GYG2: variants seen among roughly 807,000 people sequenced by gnomAD.
The protein encoded by GYG2 is glycogenin 2.
Under a neutral mutation model 29.4 loss-of-function variants are expected in GYG2, and 29 were observed. That is an observed-to-expected ratio of 0.99 (90% CI 0.74 to 1.35). The LOEUF (loss-of-function observed/expected upper bound fraction) is 1.35, where lower values mean the gene tolerates loss of function less well. GYG2 is among the 40% of genes most tolerant of loss of function. The probability of loss-of-function intolerance (pLI) is 0.00; values close to 1 mark genes in which losing one functional copy is unlikely to be tolerated. For missense variants in GYG2, 370 were observed against 385.7 expected (o/e 0.96, Z 0.34); for synonymous variants, 167 against 172.3 (o/e 0.97, Z 0.24).
chrX:2,834,580 T>C (rs906538459), intron 2 of GYG2, among the ~76,000 whole-genome samples: 1 of 111,724 alleles, frequency 9.0e-6, no homozygotes, highest in Non-Finnish European at 1.9e-5. Context: ...GGACAGAGCT[T>C]GTACCTTGTC....
intron 9 of GYG2, 46 bp downstream of exon 9, chrX:2,875,960 CTTG>C (rs752386715): frequency 1.5e-5 from 11 of 727,511 alleles, no homozygotes; most frequent in Admixed American, 2.5e-5. Context: ...TCTCTTATTG[CTTG>C]TTATTTTCTC....
chrX:2,841,026 T>A (rs912183825), intron 2 of GYG2, among the ~76,000 whole-genome samples: 5 of 108,529 alleles, frequency 4.6e-5, no homozygotes, highest in African/African-American at 1.3e-4. Context: ...GATAGAAGGA[T>A]GGATAGATAG....
chrX:2,866,238 T>C (rs1299755915), intron 8 of GYG2, among the ~76,000 whole-genome samples: 1 of 112,158 alleles, frequency 8.9e-6, no homozygotes, highest in East Asian at 2.8e-4. Context: ...CTCACTCCTG[T>C]AATCCCTGCA....
At chrX:2,837,121 A>G (rs761087045) in intron 2 of GYG2, among the ~76,000 whole-genome samples, 63 of 111,997 alleles carry the variant, frequency 5.6e-4, no homozygotes, top group African/African-American at 2.0e-3. Flanking sequence ...AATGCTCTGC[A>G]CAGACGAGGC....
At chrX:2,842,739 T>C (rs1350698645) in intron 2 of GYG2, among the ~76,000 whole-genome samples, 1 of 64,610 alleles carries the variant, frequency 1.5e-5, no homozygotes, top group African/African-American at 4.3e-5. Context: ...TTCATACTCC[T>C]CCTGTGTTTT....
Position 2,881,151 on chromosome X carries a change from G to C in GYG2, c.1351G>C (p.Asp451His), listed in dbSNP as rs770749717. ...GAGGAAGTGGGAGGAAGGCCGTATC[G>C]ACTACATGGGGAAGGACGCGTTTGC... ...ERRKWEEGRI[D>H]YMGKDAFARI... Residue 451 changes from aspartate to histidine, a missense_variant, in exon 11 of 11, where the codon GAC becomes CAC. Physicochemically the swap from Asp to His is moderately conservative, Grantham distance 81 (BLOSUM62 -1). Transcript: ENST00000398806. 1.7e-5 allele frequency: 21 copies of C among 1,204,690 alleles called. No individual in the cohort carries two copies. In the South Asian group the frequency reaches 3.2e-4, roughly 19 times the overall value.
chrX:2,856,961 GTTTA>G (rs1208097455), intron 6 of GYG2, among the ~76,000 whole-genome samples: 3,397 of 43,224 alleles, frequency 0.079, 133 homozygotes, highest in African/African-American at 0.21. Context: ...CTAGACATCT[GTTTA>G]TCTATCTATC....
chrX:2,853,190 TTTTG>T (rs752656023), intron 3 of GYG2, among the ~76,000 whole-genome samples: 1 of 110,433 alleles, frequency 9.1e-6, no homozygotes, highest in Non-Finnish European at 1.9e-5. Context: ...AATTTAAATT[TTTTG>T]TTTGTTTGTT....
rs1471054300 is a variant in GYG2, at chrX:2,830,160, C to T, written c.-29C>T. ...GCTCCCGGGCGCAGGTCTGCAGGTCCGCGCCCACTGCCCGCGGCGCCACTG... is the reference window on the plus strand; with the variant it reads ...GCTCCCGGGCGCAGGTCTGCAGGTCTGCGCCCACTGCCCGCGGCGCCACTG... On this transcript the variant is annotated 5_prime_UTR_variant, in exon 2 of 11. Transcript: ENST00000398806. The T allele has an allele frequency of 1.7e-6, 2 of 1,205,401 alleles. No homozygotes were observed. The highest frequency in any genetic ancestry group is 2.2e-6 in the Non-Finnish European group (2 of 889,598).
intron 6 of GYG2, among the ~76,000 whole-genome samples, chrX:2,858,139 C>T (rs1485113217): frequency 9.0e-6 from 1 of 110,920 alleles, no homozygotes; most frequent in African/African-American, 3.3e-5. Context: ...GTTTTAATAT[C>T]GATTATTCTA....
intron 3 of GYG2, among the ~76,000 whole-genome samples, chrX:2,848,711 A>C (rs1216409057): frequency 1.8e-5 from 2 of 111,646 alleles, no homozygotes; most frequent in Non-Finnish European, 3.8e-5. Flanking sequence ...TGTAACACAA[A>C]GGATAAATGC....
chrX:2,834,982 G>A (rs1259557978), intron 2 of GYG2, among the ~76,000 whole-genome samples: 1 of 111,517 alleles, frequency 9.0e-6, no homozygotes, highest in Admixed American at 9.6e-5. Flanking sequence ...TGGGCCAAAG[G>A]TGGTCGGGGT....
In GYG2 at chrX:2,855,795, G is replaced by T. The variant is rs1003937108; in HGVS notation, c.487+640G>T. ...ACAAAAATAAGCTGGATGTGATGCT[G>T]GCACCTGTAGTCCCCAAGCCCTGGG... On this transcript the variant is annotated intron_variant, in intron 5 of 10. Transcript: ENST00000398806. Among the ~76,000 whole-genome samples, 3 of 111,631 alleles carry T rather than the reference G, an allele frequency of 2.7e-5. No homozygotes were observed. In the Admixed American group the frequency reaches 2.9e-4, roughly 11 times the overall value.
Position 2,843,266 on chromosome X carries a change from G to A in GYG2, c.61G>A (p.Ala21Thr), listed in dbSNP as rs769501754. Residue 21 changes from alanine to threonine, a missense_variant, in exon 3 of 11, where the codon GCC becomes ACC. Coordinates refer to ENST00000398806, the MANE Select transcript of GYG2 (RefSeq NM_001079855.2). Reference protein sequence around the residue: ...LATNDIYCQGALVLGQSLRRH... With the variant: ...LATNDIYCQGTLVLGQSLRRH... ...CACCAATGACATCTACTGCCAGGGC[G>A]CCCTGGTCCTGGGGCAGTCACTGAG... The A allele has an allele frequency of 6.3e-5, 75 of 1,191,139 alleles. No individual in the cohort carries two copies. The highest frequency in any genetic ancestry group is 5.3e-5 in the South Asian group (3 of 56,207).
chrX:2,849,524 G>A (rs754234185), intron 3 of GYG2, among the ~76,000 whole-genome samples: 2 of 111,941 alleles, frequency 1.8e-5, no homozygotes, highest in South Asian at 7.5e-4. Flanking sequence ...TCCAGATATT[G>A]AGCAGAGTGG....
chrX:2,840,334 G>T (rs754790860), intron 2 of GYG2, among the ~76,000 whole-genome samples: 1 of 111,458 alleles, frequency 9.0e-6, no homozygotes, highest in Non-Finnish European at 1.9e-5. Flanking sequence ...ACCTTGGCCA[G>T]CTCTGGGCTT....
At position 2,870,052 on chromosome X, in the gene GYG2, T is replaced by A. The variant is rs916921879; in HGVS notation, c.1039-5758T>A. 4.5e-5 allele frequency among the ~76,000 whole-genome samples: 5 copies of A among 111,433 alleles called. No individual in the cohort carries two copies. In the Admixed American group the frequency reaches 4.8e-4, roughly 11 times the overall value. ...TTCTCCAGCGTTTTGTCTTCTAGTATTTGGGGTAGGGAAATGTAGTTAATT... is the reference window on the plus strand; with the variant it reads ...TTCTCCAGCGTTTTGTCTTCTAGTAATTGGGGTAGGGAAATGTAGTTAATT... On this transcript the variant is annotated intron_variant, in intron 8 of 10. Coordinates refer to ENST00000398806, the MANE Select transcript of GYG2 (RefSeq NM_001079855.2).
intron 8 of GYG2, among the ~76,000 whole-genome samples, chrX:2,870,127 T>A (rs1284586370): frequency 1.8e-5 from 2 of 110,936 alleles, no homozygotes; most frequent in Non-Finnish European, 3.8e-5. Flanking sequence ...CTATCAAGTT[T>A]TTTTACTCTT....
chrX:2,844,614 A>G lies in GYG2; in HGVS notation c.149+1260A>G, dbSNP rs765225577. Among the ~76,000 whole-genome samples, 53 of 27,242 alleles carry G rather than the reference A, an allele frequency of 1.9e-3. 1 individual carries two copies. The highest frequency in any genetic ancestry group is 8.7e-3 in the African/African-American group (49 of 5,602). 23.7% of individuals were successfully genotyped at this position (27,242 alleles called of 115,157 possible). ...TGTGTATACGCACACGCATGCGTAT[A>G]TGTGTATACGCACACGCATGCGTAT... On this transcript the variant is annotated intron_variant, in intron 3 of 10. Transcript: ENST00000398806.
Sources: gnomAD v4.1 joint callset for allele counts (sites outside exome capture counted in the v4.1 genomes callset) on GRCh38, gnomAD v4.1.1 for gene constraint, MANE v1.5 for transcripts, NCBI Gene and HGNC (gene_info 2026-07-23, HGNC 2026-07-21) for gene names.